AMER1: variants seen among roughly 807,000 people sequenced by gnomAD.
AMER1 encodes the protein RP11-403E24.2.
Under a neutral mutation model 53.0 loss-of-function variants are expected in AMER1, and 16 were observed. The ratio of observed to expected loss-of-function variants is 0.30; its 90% CI spans 0.20 to 0.46. AMER1 has a LOEUF of 0.46. Among genes scored for constraint, AMER1 ranks in the 20% least tolerant of loss-of-function variants. AMER1 has a pLI of 1.00. For synonymous variants in AMER1, 354 were observed against 331.9 expected (o/e 1.07, Z -0.73); for missense variants, 947 against 884.9 (o/e 1.07, Z -0.89).
intron 1 of AMER1, among the ~76,000 whole-genome samples, chrX:64,194,461 T>A (rs748367394): frequency 1.8e-5 from 2 of 111,417 alleles, no homozygotes; most frequent in African/African-American, 6.5e-5. Context: ...AGAGATGGAA[T>A]AAAAACAAGA....
chrX:64,189,648 G>A lies in AMER1; in HGVS notation c.*231C>T. ...AGAAGAAACCTCGAAAGCAAAAACT[G>A]GAGTGCAGTAGCAGCAGCAGCCTCC... On this transcript the variant is annotated 3_prime_UTR_variant, in exon 2 of 2. Transcript: ENST00000374869. 1 of 1,010,610 alleles carries A rather than the reference G, an allele frequency of 9.9e-7. No homozygotes were observed. Among genetic ancestry groups the A allele is most frequent in the Non-Finnish European group, 1.3e-6 (1 of 799,756 alleles). The allele number at this position is 1,010,610 out of a possible 1,213,427, so 83.3% of individuals were successfully genotyped here.
chrX:64,199,736 A>G (rs1169138138), intron 1 of AMER1, among the ~76,000 whole-genome samples: 1 of 110,939 alleles, frequency 9.0e-6, no homozygotes. Flanking sequence ...CATCTCATTC[A>G]TCCTGTACGT....
intron 1 of AMER1, among the ~76,000 whole-genome samples, chrX:64,204,325 G>A (rs1930550442): frequency 8.8e-6 from 1 of 113,962 alleles, no homozygotes; most frequent in African/African-American, 3.2e-5. Context: ...GGCTCGCCTT[G>A]ACCCCGCGGC....
rs2147086317 is a variant in AMER1, at chrX:64,190,954, C to T, written c.2333G>A (p.Ser778Asn). ...CATGCTGGAAAAGAGGTTCCCATTG[C>T]TGGTGAACTCTACCAGGGCCTGTGA... ...SFSQALVEFT[S>N]NGNLFSSMSC... Residue 778 changes from serine (S) to asparagine (N), a missense_variant, in exon 2 of 2, where the codon AGC (serine) becomes AAC (asparagine). Ser to Asn is a conservative substitution (Grantham distance 46). Transcript: ENST00000374869. The T allele has an allele frequency of 1.6e-5, 19 of 1,211,250 alleles. No individual in the cohort carries two copies. The highest frequency in any genetic ancestry group is 2.1e-5 in the Non-Finnish European group (19 of 895,296).
At chrX:64,199,296 CCTT>C (rs1930438631) in intron 1 of AMER1, among the ~76,000 whole-genome samples, 1 of 112,255 alleles carries the variant, frequency 8.9e-6, no homozygotes, top group Non-Finnish European at 1.9e-5. Context: ...AATTGACCCT[CCTT>C]CATCTTACAG....
In AMER1 at chrX:64,191,112, A is replaced by C. The variant is rs369699027; in HGVS notation, c.2175T>G (p.Asp725Glu). The change falls in exon 2 of 2, where the codon GAT becomes GAG. Residue 725 changes from aspartate to glutamate, a missense_variant. Asp to Glu is a conservative substitution (Grantham distance 45, BLOSUM62 2). Transcript: ENST00000374869. The stretch of plus-strand genomic sequence containing the variant: ...CTTGCATGTCTGGCTCAAACATGGC[A>C]TCACTCTGGAAGAGCTGCATCAGGC... ...STCLMQLFQSDAMFEPDMQEA... is the reference protein window; with the variant it reads ...STCLMQLFQSEAMFEPDMQEA... The C allele has an allele frequency of 1.7e-4, 201 of 1,210,813 alleles. No individual in the cohort carries two copies. Among genetic ancestry groups the C allele is most frequent in the Non-Finnish European group, 2.1e-4 (187 of 895,442 alleles).
chrX:64,189,848 C>A lies in AMER1; in HGVS notation c.*31G>T, dbSNP rs780959497. The A allele has an allele frequency of 1.9e-6, 2 of 1,072,137 alleles. No homozygotes were observed. The highest frequency in any genetic ancestry group is 2.6e-5 in the Admixed American group (1 of 39,153). The allele number at this position is 1,072,137 out of a possible 1,213,427, so 88.4% of individuals were successfully genotyped here. A position where few individuals can be genotyped will look rare whatever the true frequency, so the allele number is the denominator to read the frequency against. ...CCTGATCCCCATTCACATGCTCAGG[C>A]CCCGTGTCCCTACTCCAGAATTGAT... On this transcript the variant is annotated 3_prime_UTR_variant, in exon 2 of 2. Transcript: ENST00000374869.
chrX:64,203,283 C>T (rs1190201710), intron 1 of AMER1, among the ~76,000 whole-genome samples: 1 of 111,711 alleles, frequency 9.0e-6, no homozygotes, highest in Non-Finnish European at 1.9e-5. Context: ...ATTAGGCACA[C>T]TCAATACATA....
chrX:64,189,806 C>A lies in AMER1; in HGVS notation c.*73G>T, dbSNP rs772303000. The A allele has an allele frequency of 4.7e-5, 44 of 937,185 alleles. No individual in the cohort carries two copies. The highest frequency in any genetic ancestry group is 9.1e-5 in the African/African-American group (4 of 43,871). The allele number at this position is 937,185 out of a possible 1,213,427, so 77.2% of individuals were successfully genotyped here. The stretch of plus-strand genomic sequence containing the variant: ...AGTTAAACAACAACCCCCACCCCCC[C>A]ACCCTTCTGCCCAACCCCTGATCCC... On this transcript the variant is annotated 3_prime_UTR_variant, in exon 2 of 2. Transcript: ENST00000374869.
In AMER1 at chrX:64,189,797, C is replaced by CT; in HGVS notation, c.*81_*82insA. The CT allele has an allele frequency of 7.7e-6, 1 of 129,307 alleles. No homozygotes were observed. Among genetic ancestry groups the CT allele is most frequent in the Non-Finnish European group, 1.3e-5 (1 of 74,620 alleles). The allele number at this position is 129,307 out of a possible 1,213,427, so 10.7% of individuals were successfully genotyped here. On this transcript the variant is annotated 3_prime_UTR_variant, in exon 2 of 2. Transcript: ENST00000374869. ...GGGTTTTCAAGTTAAACAACAACCC[C>CT]CACCCCCCCACCCTTCTGCCCAACC...
chrX:64,191,413 G>T lies in AMER1; in HGVS notation c.1874C>A (p.Thr625Asn). ...TWEAHGREAR[T>N]REAQAREVRC... is the part of the protein sequence containing the mutation. ...AACCTCTCGGGCCTGGGCTTCTCGGGTTCTGGCCTCCCTGCCATGAGCTTC... is the reference window on the plus strand; with the variant it reads ...AACCTCTCGGGCCTGGGCTTCTCGGTTTCTGGCCTCCCTGCCATGAGCTTC... Residue 625 changes from threonine (T) to asparagine (N), a missense_variant, in exon 2 of 2, where the codon ACC becomes AAC. Thr to Asn is a moderately conservative substitution (Grantham distance 65). Transcript: ENST00000374869. The T allele has an allele frequency of 8.3e-7, 1 of 1,211,872 alleles. No homozygotes were observed. The highest frequency in any genetic ancestry group is 1.1e-6 in the Non-Finnish European group (1 of 895,466).
chrX:64,197,323 T>C (rs1930394738), intron 1 of AMER1, among the ~76,000 whole-genome samples: 2 of 112,832 alleles, frequency 1.8e-5, no homozygotes, highest in African/African-American at 6.4e-5. Flanking sequence ...GCTGGGGCCA[T>C]TCCAGCTCCC....
intron 1 of AMER1, among the ~76,000 whole-genome samples, chrX:64,194,114 C>T (rs1378651805): frequency 1.8e-5 from 2 of 111,914 alleles, no homozygotes; most frequent in African/African-American, 6.5e-5. Context: ...AGAGGCCTAT[C>T]AATATCTCTC....
chrX:64,187,129 C>T lies in AMER1; in HGVS notation c.*2750G>A, dbSNP rs755845519. 9 of 785,009 alleles carry T rather than the reference C, an allele frequency of 1.1e-5. No homozygotes were observed. The highest frequency in any genetic ancestry group is 2.2e-5 in the African/African-American group (1 of 44,510). The allele number at this position is 785,009 out of a possible 1,213,427, so 64.7% of individuals were successfully genotyped here. On this transcript the variant is annotated 3_prime_UTR_variant, in exon 2 of 2. Transcript: ENST00000374869. Reference sequence around the variant, plus strand: ...GCCAGCACTAGTCTGTGTTTGGAAACAGGCCTGAAGCTTGGCTGGCTCTCC... The same window carrying T: ...GCCAGCACTAGTCTGTGTTTGGAAATAGGCCTGAAGCTTGGCTGGCTCTCC...
chrX:64,189,793 A>ACCGCCCCC lies in AMER1; in HGVS notation c.*85_*86insGGGGGCGG. The stretch of plus-strand genomic sequence containing the variant: ...CAAAGGGTTTTCAAGTTAAACAACA[A>ACCGCCCCC]CCCCCACCCCCCCACCCTTCTGCCC... On this transcript the variant is annotated 3_prime_UTR_variant, in exon 2 of 2. Coordinates refer to ENST00000374869, the MANE Select transcript of AMER1 (RefSeq NM_152424.4). The ACCGCCCCC allele has an allele frequency of 3.4e-6, 1 of 292,072 alleles. No homozygotes were observed. The allele number at this position is 292,072 out of a possible 1,213,427, so 24.1% of individuals were successfully genotyped here.
At chrX:64,193,461 G>A (rs1930303702) in intron 1 of AMER1, 77 bp from the exon 2 acceptor site, 4 of 666,518 alleles carry the variant, frequency 6.0e-6, no homozygotes, top group African/African-American at 4.4e-5. Flanking sequence ...TGCTTTCACC[G>A]GACGTCAGGC....
rs950016051 is a variant in AMER1, at chrX:64,193,489, G to A, written c.-98-105C>T. 4.3e-5 allele frequency: 22 copies of A among 510,856 alleles called. No individual in the cohort carries two copies. The African/African-American group carries it at 5.2e-4, about 12-fold the overall frequency. The allele number at this position is 510,856 out of a possible 1,213,427, so 42.1% of individuals were successfully genotyped here. On this transcript the variant is annotated intron_variant, in intron 1 of 1. Coordinates refer to ENST00000374869, the MANE Select transcript of AMER1 (RefSeq NM_152424.4). ...CGTCAGGCTTGAGTGGAACAAGAAA[G>A]AAAATGATGGAAAATGTGGGGCAAA... is the stretch of plus-strand genomic sequence containing the variant.
intron 1 of AMER1, among the ~76,000 whole-genome samples, chrX:64,198,971 C>T (rs1390161462): frequency 1.8e-5 from 2 of 112,557 alleles, no homozygotes; most frequent in Non-Finnish European, 3.8e-5. Flanking sequence ...TTTTTAACAC[C>T]CATAGCCAAG....
rs1357604176 is a variant in AMER1, at chrX:64,190,238, C to A, written c.3049G>T (p.Gly1017Trp). 1 of 1,211,851 alleles carries A rather than the reference C, an allele frequency of 8.3e-7. No individual in the cohort carries two copies. The highest frequency in any genetic ancestry group is 1.1e-6 in the Non-Finnish European group (1 of 895,460). Residue 1017 changes from glycine to tryptophan, a missense_variant, in exon 2 of 2, where the codon GGG (glycine) becomes TGG (tryptophan). Coordinates refer to ENST00000374869, the MANE Select transcript of AMER1 (RefSeq NM_152424.4). ...TGTGAGGGACGAGCTAGTTGAGGCC[C>A]AGATTCCCCAGGTGCCCTTGACTCT... ...VPESRAPGES[G>W]PQLARPSHLH...
Sources: gnomAD v4.1 joint callset for allele counts (sites outside exome capture counted in the v4.1 genomes callset) on GRCh38, gnomAD v4.1.1 for gene constraint, MANE v1.5 for transcripts, NCBI Gene and HGNC (gene_info 2026-07-23, HGNC 2026-07-21) for gene names.